VDR: variants seen among roughly 807,000 people sequenced by gnomAD.
The protein encoded by VDR is vitamin D3 receptor.
A neutral mutation model predicts 39.7 loss-of-function variants in VDR; 19 were observed. That is an observed-to-expected ratio of 0.48 (90% CI 0.33 to 0.70). VDR has a LOEUF of 0.70. Ranked by LOEUF, VDR falls within the 30% of genes least tolerant of loss-of-function variation. The probability of loss-of-function intolerance (pLI) is 0.02; values close to 1 mark genes in which losing one functional copy is unlikely to be tolerated. For synonymous variants in VDR, 242 were observed against 215.8 expected (o/e 1.12, Z -1.07); for missense variants, 442 against 570.5 (o/e 0.77, Z 2.29).
rs376903517 is a variant in VDR at position 47,844,927 on chromosome 12, C to T, written c.1103G>A (p.Arg368His). Residue 368 changes from arginine to histidine, a missense_variant, in exon 10 of 10, where the codon CGC becomes CAC. Around this residue, in one of 5 missense-constraint regions of VDR, gnomAD observed 173 missense variants for 252.0 expected, o/e 0.69. Coordinates refer to ENST00000549336, the MANE Select transcript of VDR (RefSeq NM_000376.3). ...RLSNTLQTYI[R>H]CRHPPPGSHL... ...GCTGCCCGGGGGCGGGTGGCGGCAG[C>T]GGATGTACGTCTGCAGTGTGTTGGA... 5 of 1,614,086 alleles carry T rather than the reference C, an allele frequency of 3.1e-6. No individual in the cohort carries two copies. Among genetic ancestry groups the T allele is most frequent in the East Asian group, 2.2e-5 (1 of 44,866 alleles).
chr12:47,886,308 C>A (rs1020453332), intron 1 of VDR, among the ~76,000 whole-genome samples: 1 of 152,214 alleles, frequency 6.6e-6, no homozygotes, highest in East Asian at 1.9e-4. Flanking sequence ...AAACTCTGCC[C>A]CATCGAGTGC....
chr12:47,899,905 A>C, intron 1 of VDR: 1 of 985,638 alleles, frequency 1.0e-6, no homozygotes, highest in South Asian at 4.7e-5. Context: ...GCATGAGGCT[A>C]TCAGAGGAGG....
intron 3 of VDR, among the ~76,000 whole-genome samples, chr12:47,871,346 C>CTTTCT (rs1555153546): frequency 1.4e-5 from 2 of 144,370 alleles, no homozygotes; most frequent in Non-Finnish European, 3.0e-5. Context: ...TTCTTTCTTT[C>CTTTCT]TTTCTTTCTT....
At position 47,844,241 on chromosome 12, in the gene VDR, G is replaced by T; in HGVS notation, c.*505C>A. The T allele has an allele frequency of 4.7e-6, 1 of 210,848 alleles. No individual in the cohort carries two copies. The highest frequency in any genetic ancestry group is 9.7e-6 in the Non-Finnish European group (1 of 103,200). The allele number at this position is 210,848 out of a possible 1,614,324, so 13.1% of individuals were successfully genotyped here. A position where few individuals can be genotyped will look rare whatever the true frequency, so the allele number is the denominator to read the frequency against. ...CCCGTGAGAATATAACCAGGGCAAT[G>T]GGATGTTGGTGGGCACTGAAGGGGG... On this transcript the variant is annotated 3_prime_UTR_variant, in exon 10 of 10. Transcript: ENST00000549336.
intron 3 of VDR, among the ~76,000 whole-genome samples, chr12:47,866,115 C>CT (rs150398556): frequency 0.25 from 36,440 of 147,270 alleles, 5,086 homozygotes; most frequent in East Asian, 0.51. Context: ...AGAAAAAACC[C>CT]TTTTTTTTTT....
chr12:47,852,107 T>C (rs373483055), intron 7 of VDR, among the ~76,000 whole-genome samples: 6 of 152,340 alleles, frequency 3.9e-5, no homozygotes, highest in East Asian at 1.9e-4. Context: ...GGGGGCAGCA[T>C]TGGAGTAATC....
intron 1 of VDR, among the ~76,000 whole-genome samples, chr12:47,886,635 A>G (rs1218893820): frequency 2.6e-5 from 4 of 152,210 alleles, no homozygotes; most frequent in African/African-American, 7.2e-5. Flanking sequence ...ATTGGAAATT[A>G]TTTTCTACAG....
rs143025704 is a variant in VDR at position 47,863,357 on chromosome 12, T to C, written c.277+1690A>G. On this transcript the variant is annotated intron_variant, in intron 4 of 9. Coordinates refer to ENST00000549336, the MANE Select transcript of VDR (RefSeq NM_000376.3). ...CCTCCTGAGGTAGGAGAGGGGCCTC[T>C]TGGGCATCAGTGAGCTTAGTCCTGA... Among the ~76,000 whole-genome samples the C allele has an allele frequency of 2.9e-3, 439 of 152,342 alleles. 3 individuals are homozygous for C. Among genetic ancestry groups the C allele is most frequent in the African/African-American group, 0.01 (427 of 41,584 alleles).
rs542519272 is a variant in VDR at position 47,869,350 on chromosome 12, C to T, written c.147-4173G>A. 1.1e-3 allele frequency among the ~76,000 whole-genome samples: 172 copies of T among 151,756 alleles called. 4 individuals are homozygous for T. Among genetic ancestry groups the T allele is most frequent in the African/African-American group, 4.0e-3 (165 of 41,372 alleles). ...AGGAGATCGAGACCATTGTGGCTAA[C>T]ACGGTGAAACCCCATCTCTACTAAA... On this transcript the variant is annotated intron_variant, in intron 3 of 9. Coordinates refer to ENST00000549336, the MANE Select transcript of VDR (RefSeq NM_000376.3).
chr12:47,879,252 A>G, intron 2 of VDR, 137 bp from the exon 3 acceptor site: 3 of 1,065,202 alleles, frequency 2.8e-6, no homozygotes, highest in South Asian at 1.6e-5. Flanking sequence ...AAGGGTGGGC[A>G]TCTCCCCAGG....
intron 3 of VDR, among the ~76,000 whole-genome samples, chr12:47,871,363 C>CTTTTCTTTCTTTCTTTCTTTCCTT (rs1565622866): frequency 1.2e-4 from 7 of 58,228 alleles, no homozygotes; most frequent in African/African-American, 4.3e-4. Flanking sequence ...TCTTTCCTTT[C>CTTTTCTTTCTTTCTTTCTTTCCTT]TCTCTCTCTC....
At chr12:47,904,277 T>C (rs1946624861) in intron 1 of VDR, among the ~76,000 whole-genome samples, 1 of 151,670 alleles carries the variant, frequency 6.6e-6, no homozygotes, top group African/African-American at 2.4e-5. Context: ...TCCTAGATAC[T>C]TCTGAATCTT....
chr12:47,864,401 C>T (rs1420909166), intron 4 of VDR, among the ~76,000 whole-genome samples: 1 of 152,250 alleles, frequency 6.6e-6, no homozygotes, highest in Non-Finnish European at 1.5e-5. Context: ...TATAGAATCA[C>T]TCCTCTTTCT....
chr12:47,903,023 C>T (rs1306837054), intron 1 of VDR, among the ~76,000 whole-genome samples: 1 of 152,210 alleles, frequency 6.6e-6, no homozygotes, highest in African/African-American at 2.4e-5. Flanking sequence ...AAACCATAAA[C>T]ACAAACTATC....
At chr12:47,878,913 ACCTT>A (rs759289821) in intron 3 of VDR, 51 bp downstream of exon 3, 2 of 1,613,530 alleles carry the variant, frequency 1.2e-6, no homozygotes, top group East Asian at 4.5e-5. Flanking sequence ...TCATGGAAAC[ACCTT>A]GCTTCTTCTC....
chr12:47,904,422 G>T (rs1946627747), intron 1 of VDR: 4 of 521,962 alleles, frequency 7.7e-6, no homozygotes, highest in Non-Finnish European at 1.2e-5. Flanking sequence ...AAAAAAATAG[G>T]GCCAATTAGG....
rs80145821 is a variant in VDR, at chr12:47,878,685, G to A, written c.146+283C>T. The A allele has an allele frequency of 7.8e-6, 4 of 512,440 alleles. No individual in the cohort carries two copies. The Admixed American group carries it at 9.6e-5, about 12-fold the overall frequency. 31.7% of individuals were successfully genotyped at this position (512,440 alleles called of 1,614,324 possible). A position where few individuals can be genotyped will look rare whatever the true frequency, so the allele number is the denominator to read the frequency against. On this transcript the variant is annotated intron_variant, in intron 3 of 9. Transcript: ENST00000549336. The stretch of plus-strand genomic sequence containing the variant: ...CTCTGGAAGGATGGACACGTGGGTT[G>A]GTGTAGGAGGCTGTGGGTTACAGGC...
chr12:47,904,425 C>T, intron 1 of VDR: 3 of 534,844 alleles, frequency 5.6e-6, no homozygotes, highest in South Asian at 4.4e-5. Context: ...AAAATAGGGC[C>T]AATTAGGTCT....
Position 47,870,890 on chromosome 12 carries a change from G to A in VDR, c.147-5713C>T, listed in dbSNP as rs529289312. Among the ~76,000 whole-genome samples, 10 of 152,270 alleles carry A rather than the reference G, an allele frequency of 6.6e-5. No individual in the cohort carries two copies. In the East Asian group the frequency reaches 1.2e-3, roughly 18 times the overall value. ...CAATGTATATGTATAGCAGAACATC[G>A]AGTTGTGCACCTGAAATATAGACCA... On this transcript the variant is annotated intron_variant, in intron 3 of 9. Coordinates refer to ENST00000549336, the MANE Select transcript of VDR (RefSeq NM_000376.3).
Sources: allele counts gnomAD v4.1 joint callset (sites outside exome capture counted in the v4.1 genomes callset), GRCh38; gene constraint gnomAD v4.1.1; regional missense constraint gnomAD v4.1.1; transcripts MANE v1.5; gene names NCBI Gene and HGNC (gene_info 2026-07-23, HGNC 2026-07-21).